Variants in CENPP observed in about 807,000 individuals in gnomAD.
CENPP encodes centromere protein P.
In CENPP, 24 loss-of-function variants were observed where a neutral mutation model predicts 35.6. That is an observed-to-expected ratio of 0.67 (90% CI 0.49 to 0.95). The LOEUF is 0.95. CENPP is among the 40% of genes least tolerant of loss of function. The pLI, the probability that CENPP is intolerant of heterozygous loss-of-function variation, is 0.00. For missense variants in CENPP, 332 were observed against 345.3 expected, an observed-to-expected ratio of 0.96 and a Z score of 0.31; for synonymous variants, 120 against 125.5, an observed-to-expected ratio of 0.96 and a Z score of 0.29.
chr9:92,349,343 T>C (rs1841384239), intron 4 of CENPP, among the ~76,000 whole-genome samples: 1 of 152,126 alleles, frequency 6.6e-6, no homozygotes, highest in Non-Finnish European at 1.5e-5. Context: ...CATTTACCCA[T>C]TGAAGGATAT....
chr9:92,486,661 A>G (rs555688295), intron 5 of CENPP, among the ~76,000 whole-genome samples: 7 of 152,242 alleles, frequency 4.6e-5, no homozygotes, highest in Admixed American at 2.0e-4. Flanking sequence ...CTGTCATCCT[A>G]CTTGAAGTTT....
intron 5 of CENPP, among the ~76,000 whole-genome samples, chr9:92,574,485 G>A (rs1196358301): frequency 6.6e-6 from 1 of 151,972 alleles, no homozygotes; most frequent in Non-Finnish European, 1.5e-5. Flanking sequence ...TGTTACAATA[G>A]CATAAAAAAA....
intron 4 of CENPP, among the ~76,000 whole-genome samples, chr9:92,349,600 C>T (rs753278510): frequency 9.9e-5 from 15 of 151,994 alleles, no homozygotes; most frequent in Non-Finnish European, 1.9e-4. Flanking sequence ...GATGTGGTTT[C>T]ACCATGTTGG....
intron 5 of CENPP, among the ~76,000 whole-genome samples, chr9:92,556,250 A>T (rs1363081159): frequency 6.6e-6 from 1 of 151,884 alleles, no homozygotes; most frequent in Non-Finnish European, 1.5e-5. Context: ...GGTCTGAGAG[A>T]GTGTTGGATA....
intron 4 of CENPP, among the ~76,000 whole-genome samples, chr9:92,357,154 A>G (rs1436120918): frequency 1.3e-5 from 2 of 152,124 alleles, no homozygotes; most frequent in South Asian, 2.1e-4. Context: ...CAAAAATACT[A>G]GCTTTTATAA....
rs1237641397 is a variant in CENPP at position 92,476,638 on chromosome 9, T to C, written c.564+96779T>C. On this transcript the variant is annotated intron_variant, in intron 5 of 7. Transcript: ENST00000375587. The surrounding 1 kb of genome is among the most constrained non-coding windows in gnomAD (Gnocchi z 4.1). ...CTGAGAATGGCAAGAGTTTTTTATATTTTAATAATCCTATGCTGATTCCAA... is the reference window on the plus strand; with the variant it reads ...CTGAGAATGGCAAGAGTTTTTTATACTTTAATAATCCTATGCTGATTCCAA... Among the ~76,000 whole-genome samples, 1 of 152,208 alleles carries C rather than the reference T, an allele frequency of 6.6e-6. No homozygotes were observed. The highest frequency in any genetic ancestry group is 1.5e-5 in the Non-Finnish European group (1 of 68,040).
Position 92,480,334 on chromosome 9 carries a change from T to G in CENPP, c.564+100475T>G, listed in dbSNP as rs113478791. On this transcript the variant is annotated intron_variant, in intron 5 of 7. Coordinates refer to ENST00000375587, the MANE Select transcript of CENPP (RefSeq NM_001012267.3). ...AGACTTTCCCCCCATGGCCCTCTTT[T>G]ACTGAGAAAAAGCAGAGGCAGTGAG... Among the ~76,000 whole-genome samples the G allele has an allele frequency of 5.7e-3, 864 of 152,306 alleles. 7 individuals carry two copies. Among genetic ancestry groups the G allele is most frequent in the Non-Finnish European group, 8.7e-3 (594 of 68,016 alleles).
At chr9:92,394,641 G>GT in intron 5 of CENPP, among the ~76,000 whole-genome samples, 1 of 151,520 alleles carries the variant, frequency 6.6e-6, no homozygotes, top group Non-Finnish European at 1.5e-5. Flanking sequence ...GTCTCGCTTC[G>GT]TCACCCAGGT....
At chr9:92,422,676 T>A (rs1843844557) in intron 5 of CENPP, among the ~76,000 whole-genome samples, 1 of 152,192 alleles carries the variant, frequency 6.6e-6, no homozygotes, top group African/African-American at 2.4e-5. Flanking sequence ...CTTGTCCCAC[T>A]CCCTTTGATT....
At chr9:92,529,987 C>T (rs1399119126) in intron 5 of CENPP, among the ~76,000 whole-genome samples, 1 of 152,038 alleles carries the variant, frequency 6.6e-6, no homozygotes, top group Non-Finnish European at 1.5e-5. Flanking sequence ...GTCATTGTCC[C>T]CTAAATGATA....
In CENPP at chr9:92,619,916, T is replaced by C; in HGVS notation, c.*6767T>C. 3.2e-6 allele frequency: 1 copy of C among 314,266 alleles called. No homozygotes were observed. The highest frequency in any genetic ancestry group is 4.0e-5 in the South Asian group (1 of 25,198). 19.5% of individuals were successfully genotyped at this position (314,266 alleles called of 1,614,324 possible). Reference sequence around the variant, plus strand: ...AGCAGTAAGCCACCTGAGCCCCGCATGTTGGCCACACTCAGAGTATCAAGT... The same window carrying C: ...AGCAGTAAGCCACCTGAGCCCCGCACGTTGGCCACACTCAGAGTATCAAGT... On this transcript the variant is annotated 3_prime_UTR_variant, in exon 8 of 8. Transcript: ENST00000375587.
At chr9:92,467,045 G>A (rs1845340846) in intron 5 of CENPP, among the ~76,000 whole-genome samples, 1 of 152,218 alleles carries the variant, frequency 6.6e-6, no homozygotes, top group South Asian at 2.1e-4. Context: ...CAGAACAGAG[G>A]CCTGTAAGGA....
intron 5 of CENPP, among the ~76,000 whole-genome samples, chr9:92,471,496 G>T (rs572555754): frequency 6.6e-6 from 1 of 151,580 alleles, no homozygotes; most frequent in South Asian, 2.1e-4. Context: ...CACCCAGCCG[G>T]GTCTTGATCA....
chr9:92,602,294 C>T (rs1850941720), intron 5 of CENPP, among the ~76,000 whole-genome samples: 1 of 152,122 alleles, frequency 6.6e-6, no homozygotes, highest in Non-Finnish European at 1.5e-5. Flanking sequence ...CCAACAGATG[C>T]GGGAGGAATG....
At chr9:92,387,324 C>T (rs954812995) in intron 5 of CENPP, among the ~76,000 whole-genome samples, 3 of 149,678 alleles carry the variant, frequency 2.0e-5, no homozygotes, top group Non-Finnish European at 3.0e-5. Context: ...TGCAGTGAGC[C>T]GAGATTGTGC....
chr9:92,349,507 G>T (rs1841390478), intron 4 of CENPP, among the ~76,000 whole-genome samples: 2 of 151,298 alleles, frequency 1.3e-5, no homozygotes, highest in South Asian at 4.2e-4. Flanking sequence ...TGGTTCAAGT[G>T]ATTCTCCTGC....
At chr9:92,511,925 T>C in intron 5 of CENPP, 1 of 973,950 alleles carries the variant, frequency 1.0e-6, no homozygotes, top group Non-Finnish European at 1.5e-6. Context: ...AGAAGCATTT[T>C]CCTTTTCCTC....
At chr9:92,528,987 AGAAG>A (rs1453406047) in intron 5 of CENPP, among the ~76,000 whole-genome samples, 1 of 152,240 alleles carries the variant, frequency 6.6e-6, no homozygotes, top group Non-Finnish European at 1.5e-5. Flanking sequence ...AGAAGTGAGA[AGAAG>A]GATTAACCAT....
chr9:92,451,554 G>A (rs1308632934), intron 5 of CENPP, among the ~76,000 whole-genome samples: 1 of 152,152 alleles, frequency 6.6e-6, no homozygotes, highest in Non-Finnish European at 1.5e-5. Flanking sequence ...TTGTTCTTTT[G>A]GCTTGGGATT....
Sources: gnomAD v4.1 joint callset for allele counts (sites outside exome capture counted in the v4.1 genomes callset) on GRCh38, gnomAD v4.1.1 for gene constraint, Gnocchi (gnomAD v3.1) non-coding constraint, MANE v1.5 for transcripts, NCBI Gene and HGNC (gene_info 2026-07-23, HGNC 2026-07-21) for gene names.